DCUN1D1: variants seen among roughly 807,000 people sequenced by gnomAD.
DCUN1D1 encodes DCN1-like protein 1.
A neutral mutation model predicts 39.0 loss-of-function variants in DCUN1D1; 3 were observed. The observed-to-expected ratio is 0.08, with a 90% CI of 0.04 to 0.20. The LOEUF (loss-of-function observed/expected upper bound fraction) is 0.20. DCUN1D1 is among the 10% of genes least tolerant of loss of function. The pLI is 1.00. For missense variants in DCUN1D1, 158 were observed against 302.4 expected, an observed-to-expected ratio of 0.52 and a Z score of 3.54; for synonymous variants, 82 against 96.3, an observed-to-expected ratio of 0.85 and a Z score of 0.87.
chr3:182,980,358 C>T (rs1240485697), intron 1 of DCUN1D1, 129 bp downstream of exon 1: 2 of 665,088 alleles, frequency 3.0e-6, no homozygotes, highest in African/African-American at 2.0e-5. Context: ...CGCCTGGGAG[C>T]GGGACGGAGG....
At chr3:182,958,889 A>G (rs940634493) in intron 4 of DCUN1D1, among the ~76,000 whole-genome samples, 2 of 152,174 alleles carry the variant, frequency 1.3e-5, no homozygotes, top group African/African-American at 4.8e-5. Flanking sequence ...TATTCACCCA[A>G]AACACCATTT....
Position 182,939,263 on chromosome 3 carries a change from T to C in DCUN1D1, c.*5831A>G, listed in dbSNP as rs1187094631. The C allele has an allele frequency of 3.3e-5, 5 of 152,212 alleles. No homozygotes were observed. Among genetic ancestry groups the C allele is most frequent in the African/African-American group, 1.2e-4 (5 of 41,460 alleles). 9.4% of individuals were successfully genotyped at this position (152,212 alleles called of 1,614,324 possible). A position where few individuals can be genotyped will look rare whatever the true frequency, so the allele number is the denominator to read the frequency against. On this transcript the variant is annotated 3_prime_UTR_variant, in exon 7 of 7. Coordinates refer to ENST00000292782, the MANE Select transcript of DCUN1D1 (RefSeq NM_020640.4). ...CAGTCCGCATGCACTGTGGCAGGAA[T>C]AGTTCTAGAAGTACAGCCACTTTGG...
intron 4 of DCUN1D1, chr3:182,955,654 G>T: frequency 2.6e-6 from 1 of 378,072 alleles, no homozygotes; most frequent in East Asian, 7.2e-5. Context: ...TGCGATCTCG[G>T]CTCACTGCAA....
At chr3:182,954,929 G>A (rs1726952907) in intron 4 of DCUN1D1, among the ~76,000 whole-genome samples, 3 of 152,062 alleles carry the variant, frequency 2.0e-5, no homozygotes, top group Non-Finnish European at 2.9e-5. Context: ...TATATTGTTC[G>A]TGTCTAAAAT....
intron 4 of DCUN1D1, among the ~76,000 whole-genome samples, chr3:182,960,963 A>G (rs1727350272): frequency 6.6e-6 from 1 of 152,238 alleles, no homozygotes; most frequent in Non-Finnish European, 1.5e-5. Context: ...AATAACTGTC[A>G]GTGGAATTTT....
chr3:182,966,517 G>C (rs573663347), intron 1 of DCUN1D1, among the ~76,000 whole-genome samples: 1 of 152,164 alleles, frequency 6.6e-6, no homozygotes, highest in Non-Finnish European at 1.5e-5. Flanking sequence ...TTCTCAGAGA[G>C]GGGAAGAGGT....
rs1463704625 is a variant in DCUN1D1, at chr3:182,939,016, A to G, written c.*6078T>C. On this transcript the variant is annotated 3_prime_UTR_variant, in exon 7 of 7. Transcript: ENST00000292782. ...AACCCCCACTGGAAGTATTATTATT[A>G]CCCTCACTGACTACAGAAAATACTA... 5 of 152,232 alleles carry G rather than the reference A, an allele frequency of 3.3e-5. No individual in the cohort carries two copies. Among genetic ancestry groups the G allele is most frequent in the Admixed American group, 3.3e-4 (5 of 15,270 alleles). 9.4% of individuals were successfully genotyped at this position (152,232 alleles called of 1,614,324 possible). A position where few individuals can be genotyped will look rare whatever the true frequency, so the allele number is the denominator to read the frequency against.
intron 4 of DCUN1D1, among the ~76,000 whole-genome samples, chr3:182,957,593 T>G (rs926296589): frequency 4.0e-5 from 6 of 151,326 alleles, no homozygotes; most frequent in Non-Finnish European, 7.4e-5. Context: ...GGCACTACAG[T>G]CCAACCTAGG....
chr3:182,944,019 G>A lies in DCUN1D1; in HGVS notation c.*1075C>T, dbSNP rs1203812570. On this transcript the variant is annotated 3_prime_UTR_variant, in exon 7 of 7. Transcript: ENST00000292782. Reference sequence around the variant, plus strand: ...ATAAGTCATCGAAAATGGACTATTTGTCTGAAAGAGCAGTACCTATATTAT... The same window carrying A: ...ATAAGTCATCGAAAATGGACTATTTATCTGAAAGAGCAGTACCTATATTAT... 6.6e-6 allele frequency: 1 copy of A among 152,582 alleles called. No homozygotes were observed. The highest frequency in any genetic ancestry group is 1.5e-5 in the Non-Finnish European group (1 of 68,022). 9.5% of individuals were successfully genotyped at this position (152,582 alleles called of 1,614,324 possible).
At chr3:182,955,165 C>A (rs990992228) in intron 4 of DCUN1D1, among the ~76,000 whole-genome samples, 2 of 151,948 alleles carry the variant, frequency 1.3e-5, no homozygotes, top group Non-Finnish European at 2.9e-5. Context: ...CTCAGCCTTC[C>A]GAGTAGCTAG....
At chr3:182,947,004 A>C (rs1484027705) in intron 6 of DCUN1D1, among the ~76,000 whole-genome samples, 2 of 152,310 alleles carry the variant, frequency 1.3e-5, no homozygotes, top group Non-Finnish European at 2.9e-5. Context: ...TGGGAGGCTG[A>C]GGCAGGAGGA....
chr3:182,973,051 AG>A (rs138861832), intron 1 of DCUN1D1, among the ~76,000 whole-genome samples: 18 of 151,416 alleles, frequency 1.2e-4, no homozygotes, highest in East Asian at 9.7e-4. Context: ...TCAAAAAAAA[AG>A]GGGGGGGCTC....
At chr3:182,964,103 A>C (rs552281409) in intron 2 of DCUN1D1, 54 bp from the exon 3 acceptor site, 1 of 1,477,710 alleles carries the variant, frequency 6.8e-7, no homozygotes, top group Non-Finnish European at 9.3e-7. Context: ...CTACATTATG[A>C]AAACTGAAAA....
upstream of DCUN1D1, among the ~76,000 whole-genome samples, chr3:182,985,299 A>G (rs909312393): frequency 2.6e-5 from 4 of 152,186 alleles, no homozygotes; most frequent in African/African-American, 7.2e-5. Context: ...GTGATACCAA[A>G]GGAATGACTG....
Position 182,941,783 on chromosome 3 carries a change from A to G in DCUN1D1, c.*3311T>C, listed in dbSNP as rs1332771096. 1 of 152,130 alleles carries G rather than the reference A, an allele frequency of 6.6e-6. No homozygotes were observed. Among genetic ancestry groups the G allele is most frequent in the African/African-American group, 2.4e-5 (1 of 41,450 alleles). 9.4% of individuals were successfully genotyped at this position (152,130 alleles called of 1,614,324 possible). ...AGTTTTACAAAGGCATACTTTGTGAACCATGGTGAATTTCCCCAGCACCAC... is the reference window on the plus strand; with the variant it reads ...AGTTTTACAAAGGCATACTTTGTGAGCCATGGTGAATTTCCCCAGCACCAC... On this transcript the variant is annotated 3_prime_UTR_variant, in exon 7 of 7. Coordinates refer to ENST00000292782, the MANE Select transcript of DCUN1D1 (RefSeq NM_020640.4).
intron 1 of DCUN1D1, chr3:182,980,077 C>T: frequency 1.1e-6 from 1 of 894,196 alleles, no homozygotes; most frequent in Non-Finnish European, 1.3e-6. Flanking sequence ...GCTACTCACC[C>T]GGAACCCCAG....
At chr3:182,966,515 G>A (rs1284106780) in intron 1 of DCUN1D1, among the ~76,000 whole-genome samples, 1 of 152,032 alleles carries the variant, frequency 6.6e-6, no homozygotes, top group Non-Finnish European at 1.5e-5. Flanking sequence ...TCTTCTCAGA[G>A]AGGGGAAGAG....
At chr3:182,980,162 C>G (rs1054381592) in intron 1 of DCUN1D1, 36 of 652,230 alleles carry the variant, frequency 5.5e-5, no homozygotes, top group Non-Finnish European at 2.3e-5. Context: ...CCCCTCCCCC[C>G]GCCCCAACGC....
chr3:182,972,308 T>C (rs1727985839), intron 1 of DCUN1D1, among the ~76,000 whole-genome samples: 1 of 151,860 alleles, frequency 6.6e-6, no homozygotes, highest in African/African-American at 2.4e-5. Context: ...CTTGTACAGG[T>C]TATGGCCAGA....
Sources: gnomAD v4.1 joint callset for allele counts (sites outside exome capture counted in the v4.1 genomes callset) on GRCh38, gnomAD v4.1.1 for gene constraint, MANE v1.5 for transcripts, NCBI Gene and HGNC (gene_info 2026-07-23, HGNC 2026-07-21) for gene names.